The following NKAIN1 variants were observed in gnomAD, a reference collection of about 807,000 sequenced individuals.
NKAIN1 encodes the protein sodium/potassium transporting ATPase interacting 1, also known as sodium/potassium-transporting ATPase subunit beta-1-interacting protein 1.
A neutral mutation model predicts 31.6 loss-of-function variants in NKAIN1; 13 were observed. The observed-to-expected ratio is 0.41, with a 90% CI of 0.27 to 0.65. The LOEUF is 0.65. NKAIN1 is among the 30% of genes least tolerant of loss of function. The pLI is 0.30. For synonymous variants in NKAIN1, 104 were observed against 109.0 expected (o/e 0.95, Z 0.28); for missense variants, 193 against 262.2 (o/e 0.74, Z 1.82).
At position 31,183,866 on chromosome 1, in the gene NKAIN1, T is replaced by A; in HGVS notation, c.422A>T (p.Asp141Val). The A allele has an allele frequency of 6.2e-7, 1 of 1,613,994 alleles. No homozygotes were observed. Among genetic ancestry groups the A allele is most frequent in the Admixed American group, 1.7e-5 (1 of 60,012 alleles). ...GCTGAGGGCTTCAATGTAGGGGTAG[T>A]CAAGCAGGCAGCCAGTGACAGAGAT... ...HVISVTGCLLDYPYIEALSSA... is the reference protein window; with the variant it reads ...HVISVTGCLLVYPYIEALSSA... Residue 141 changes from aspartate to valine, a missense_variant, in exon 4 of 7, where the codon GAC becomes GTC. Physicochemically the swap from Asp to Val is radical, Grantham distance 152. Transcript: ENST00000373736.
At chr1:31,211,258 A>G (rs1455339453) in intron 1 of NKAIN1, among the ~76,000 whole-genome samples, 1 of 152,236 alleles carries the variant, frequency 6.6e-6, no homozygotes, top group Non-Finnish European at 1.5e-5. Flanking sequence ...TGTAGAATAA[A>G]CTAAAGAATC....
At chr1:31,227,737 C>CA (rs1266603758) in intron 1 of NKAIN1, among the ~76,000 whole-genome samples, 4 of 152,160 alleles carry the variant, frequency 2.6e-5, no homozygotes, top group African/African-American at 9.7e-5. Context: ...CCTTTGATTC[C>CA]ATGATAGCGT....
chr1:31,181,781 C>T, intron 6 of NKAIN1, 69 bp from the exon 7 acceptor site: 1 of 1,551,824 alleles, frequency 6.4e-7, no homozygotes, highest in Non-Finnish European at 8.7e-7. Flanking sequence ...ACCCGGTTGC[C>T]CTGCCCACTC....
At chr1:31,234,141 C>T (rs1355735678) in intron 1 of NKAIN1, among the ~76,000 whole-genome samples, 1 of 152,222 alleles carries the variant, frequency 6.6e-6, no homozygotes, top group East Asian at 1.9e-4. Flanking sequence ...TGTTCATTCA[C>T]AAAAGGGAGT....
chr1:31,225,018 T>TTTTTC (rs146707266), intron 1 of NKAIN1, among the ~76,000 whole-genome samples: 1,669 of 134,854 alleles, frequency 0.012, 20 homozygotes, highest in African/African-American at 0.017. Context: ...AGCCCATTTC[T>TTTTTC]TTTTCTTTTC....
intron 1 of NKAIN1, among the ~76,000 whole-genome samples, chr1:31,218,016 T>TTTTTTCTTTCTTTCTTTCTTTC (rs773175985): frequency 6.0e-4 from 65 of 108,238 alleles, no homozygotes; most frequent in African/African-American, 2.2e-3. Context: ...GCAGCTACCA[T>TTTTTTCTTTCTTTCTTTCTTTC]TTTCTTTCTT....
intron 1 of NKAIN1, among the ~76,000 whole-genome samples, chr1:31,212,538 G>A (rs1645478346): frequency 6.6e-6 from 1 of 151,992 alleles, no homozygotes; most frequent in Non-Finnish European, 1.5e-5. Context: ...TAGAGTGGCT[G>A]GGGCCGCAGG....
chr1:31,182,574 A>C lies in NKAIN1; in HGVS notation c.488T>G (p.Phe163Cys). 6.2e-7 allele frequency: 1 copy of C among 1,614,166 alleles called. No homozygotes were observed. Residue 163 changes from phenylalanine (F) to cysteine (C), a missense_variant, in exon 5 of 7, where the codon TTC becomes TGC. By Grantham distance (205) the Phe-to-Cys change is radical (BLOSUM62 -2). Transcript: ENST00000373736. The stretch of plus-strand genomic sequence containing the variant: ...GAACACTTTGCTCACGTAGCAGGCG[A>C]ACACGAAGCCGAACAGCTGGGAGTG... ...QIFLALFGFV[F>C]ACYVSKVFLE...
At chr1:31,230,098 C>T (rs1324520095) in intron 1 of NKAIN1, among the ~76,000 whole-genome samples, 1 of 152,172 alleles carries the variant, frequency 6.6e-6, no homozygotes, top group Non-Finnish European at 1.5e-5. Context: ...ACTGCTGCTC[C>T]AGCTTGAGCC....
chr1:31,213,931 C>T (rs972787496), intron 1 of NKAIN1, among the ~76,000 whole-genome samples: 4 of 151,614 alleles, frequency 2.6e-5, no homozygotes, highest in Non-Finnish European at 5.9e-5. Context: ...GAGATTGAGG[C>T]TGCAGTAAGC....
intron 1 of NKAIN1, among the ~76,000 whole-genome samples, chr1:31,218,769 T>C (rs760021769): frequency 1.3e-5 from 2 of 152,222 alleles, no homozygotes; most frequent in African/African-American, 4.8e-5. Flanking sequence ...CAGCCTGTCA[T>C]AGTCGACAAC....
intron 1 of NKAIN1, among the ~76,000 whole-genome samples, chr1:31,220,425 A>G (rs1245611253): frequency 6.6e-6 from 1 of 152,006 alleles, no homozygotes; most frequent in East Asian, 1.9e-4. Flanking sequence ...ATTGCCTCCC[A>G]TACTACCGTA....
At chr1:31,203,013 C>T (rs1255236915) in intron 1 of NKAIN1, among the ~76,000 whole-genome samples, 2 of 141,664 alleles carry the variant, frequency 1.4e-5, no homozygotes, top group Admixed American at 7.5e-5. Context: ...GTGGCTCACG[C>T]GGGTAATCCC....
intron 1 of NKAIN1, among the ~76,000 whole-genome samples, chr1:31,192,322 C>T (rs1310307486): frequency 6.6e-6 from 1 of 152,196 alleles, no homozygotes; most frequent in Non-Finnish European, 1.5e-5. Context: ...GACATGCCCT[C>T]ACCCAGCCAG....
chr1:31,200,405 T>G (rs897711518), intron 1 of NKAIN1, among the ~76,000 whole-genome samples: 2 of 151,992 alleles, frequency 1.3e-5, no homozygotes, highest in Non-Finnish European at 2.9e-5. Context: ...CTATATGCAC[T>G]TCTATAGTTC....
intron 1 of NKAIN1, among the ~76,000 whole-genome samples, chr1:31,209,424 C>A (rs1189065400): frequency 6.6e-6 from 1 of 152,076 alleles, no homozygotes; most frequent in Non-Finnish European, 1.5e-5. Context: ...CAGCAGAGTG[C>A]AGCCTCCACC....
At chr1:31,186,063 A>T (rs552919963) in intron 2 of NKAIN1, among the ~76,000 whole-genome samples, 97 of 131,340 alleles carry the variant, frequency 7.4e-4, no homozygotes, top group South Asian at 3.9e-3. Context: ...ACCCATATTT[A>T]AAAAAAAAAA....
At position 31,233,767 on chromosome 1, in the gene NKAIN1, A is replaced by G. The variant is rs1209616198; in HGVS notation, c.54+5727T>C. On this transcript the variant is annotated intron_variant, in intron 1 of 6. Coordinates refer to ENST00000373736, the MANE Select transcript of NKAIN1 (RefSeq NM_024522.3). The surrounding 1 kb of genome is among the most constrained non-coding windows in gnomAD (Gnocchi z 4.0). ...GCCCTGGAGAGCACTTTCCTAGGCC[A>G]GGGACCGTACTTGGCTATCCCGGCA... Among the ~76,000 whole-genome samples, 4 of 152,208 alleles carry G rather than the reference A, an allele frequency of 2.6e-5. No individual in the cohort carries two copies. Among genetic ancestry groups the G allele is most frequent in the Non-Finnish European group, 1.5e-5 (1 of 68,036 alleles).
intron 1 of NKAIN1, among the ~76,000 whole-genome samples, chr1:31,220,003 ATTT>A (rs11453918): frequency 0.29 from 36,374 of 127,308 alleles, 5,956 homozygotes; most frequent in African/African-American, 0.53. Context: ...GAACACTCAG[ATTT>A]TTTTTTTTTT....
Sources: allele counts gnomAD v4.1 joint callset (sites outside exome capture counted in the v4.1 genomes callset), GRCh38; gene constraint gnomAD v4.1.1; non-coding constraint Gnocchi (gnomAD v3.1); transcripts MANE v1.5; gene names NCBI Gene and HGNC (gene_info 2026-07-23, HGNC 2026-07-21).